Variants in DPP10 observed in about 807,000 individuals in gnomAD.
DPP10 encodes dipeptidyl peptidase like 10.
Under a neutral mutation model 120.9 loss-of-function variants are expected in DPP10, and 33 were observed. The ratio of observed to expected loss-of-function variants is 0.27; its 90% CI spans 0.21 to 0.37. DPP10 has a LOEUF of 0.37. Ranked by LOEUF, DPP10 falls within the 10% of genes least tolerant of loss-of-function variation. The pLI is 1.00. For synonymous variants in DPP10, 337 were observed against 326.1 expected, an observed-to-expected ratio of 1.03 and a Z score of -0.36; for missense variants, 816 against 942.8, an observed-to-expected ratio of 0.87 and a Z score of 1.76.
chr2:115,835,732 T>C (rs1366440577), intron 21 of DPP10, among the ~76,000 whole-genome samples: 1 of 152,192 alleles, frequency 6.6e-6, no homozygotes, highest in Non-Finnish European at 1.5e-5. Flanking sequence ...CATTATTTCT[T>C]AATTCTACAT....
intron 5 of DPP10, among the ~76,000 whole-genome samples, chr2:115,613,225 G>T (rs2084246373): frequency 6.6e-6 from 1 of 152,104 alleles, no homozygotes; most frequent in African/African-American, 2.4e-5. Context: ...TCTTGGCATG[G>T]TATTGTGTGA....
At chr2:114,986,272 G>A (rs569347204) in intron 1 of DPP10, among the ~76,000 whole-genome samples, 1 of 152,152 alleles carries the variant, frequency 6.6e-6, no homozygotes, top group Non-Finnish European at 1.5e-5. Context: ...ATACAGATGT[G>A]AGAAAAACTG....
chr2:115,373,195 C>T (rs545899763), intron 3 of DPP10, among the ~76,000 whole-genome samples: 5 of 152,310 alleles, frequency 3.3e-5, no homozygotes, highest in African/African-American at 1.2e-4. Flanking sequence ...TTGTCTCTTA[C>T]ATGTCAAACA....
At chr2:114,624,126 A>T (rs1694309702) in intron 1 of DPP10, among the ~76,000 whole-genome samples, 1 of 151,990 alleles carries the variant, frequency 6.6e-6, no homozygotes, top group Non-Finnish European at 1.5e-5. Flanking sequence ...GGAAGCATTG[A>T]AGAGGTAATG....
At chr2:115,757,239 GAC>G (rs1261700658) in intron 11 of DPP10, among the ~76,000 whole-genome samples, 2 of 151,834 alleles carry the variant, frequency 1.3e-5, no homozygotes, top group Admixed American at 6.6e-5. Context: ...AAATACAAGA[GAC>G]AACATTTTAG....
chr2:114,455,581 C>T (rs1678530967), intron 1 of DPP10, among the ~76,000 whole-genome samples: 1 of 151,656 alleles, frequency 6.6e-6, no homozygotes, highest in Non-Finnish European at 1.5e-5. Context: ...CTGTAGTTGG[C>T]TTATTGCTAA....
chr2:114,656,264 G>C (rs1289943687), intron 1 of DPP10, among the ~76,000 whole-genome samples: 1 of 151,928 alleles, frequency 6.6e-6, no homozygotes, highest in African/African-American at 2.4e-5. Context: ...CTTGAACTTT[G>C]GGATGTATCA....
rs1398213279 is a variant in DPP10, at chr2:115,054,231, C to T, written c.61-255008C>T. 2.6e-5 allele frequency among the ~76,000 whole-genome samples: 4 copies of T among 152,038 alleles called. No individual in the cohort carries two copies. The East Asian group carries it at 5.8e-4, about 22-fold the overall frequency. On this transcript the variant is annotated intron_variant, in intron 1 of 25. Coordinates refer to ENST00000410059, the MANE Select transcript of DPP10 (RefSeq NM_020868.6). The stretch of plus-strand genomic sequence containing the variant: ...TCATCTTTGATTTCAGTATTAAATG[C>T]TTTGTGGCTCCTTAGAGTCCTAGAA...
At chr2:114,734,304 T>C (rs1259311915) in intron 1 of DPP10, among the ~76,000 whole-genome samples, 1 of 152,168 alleles carries the variant, frequency 6.6e-6, no homozygotes, top group Non-Finnish European at 1.5e-5. Context: ...GCTCTCTCTC[T>C]CTCTGAAGTC....
chr2:115,013,337 G>A (rs1243966334), intron 1 of DPP10, among the ~76,000 whole-genome samples: 3 of 152,048 alleles, frequency 2.0e-5, no homozygotes, highest in Non-Finnish European at 4.4e-5. Context: ...CTCTTTTCTG[G>A]CTTGTAGGGT....
At chr2:115,238,543 C>T (rs1284664975) in intron 1 of DPP10, among the ~76,000 whole-genome samples, 1 of 151,870 alleles carries the variant, frequency 6.6e-6, no homozygotes, top group African/African-American at 2.4e-5. Context: ...TTGAGTGGCT[C>T]GAGACTTTAG....
At chr2:114,817,460 G>T (rs988882040) in intron 1 of DPP10, among the ~76,000 whole-genome samples, 23 of 152,214 alleles carry the variant, frequency 1.5e-4, no homozygotes, top group South Asian at 2.1e-4. Flanking sequence ...ACTCTAACCT[G>T]TAGGCTAGAA....
At chr2:115,041,515 T>C (rs1380846848) in intron 1 of DPP10, among the ~76,000 whole-genome samples, 3 of 152,094 alleles carry the variant, frequency 2.0e-5, no homozygotes, top group Non-Finnish European at 4.4e-5. Context: ...AGCTTAGTGA[T>C]TTTTTTTATG....
chr2:115,796,043 G>A (rs571856508), intron 19 of DPP10, among the ~76,000 whole-genome samples: 12 of 152,000 alleles, frequency 7.9e-5, no homozygotes, highest in Middle Eastern at 3.4e-3. Context: ...AAAGCTCTGC[G>A]TTTTCCCTCA....
chr2:115,314,558 C>G (rs909901413), intron 2 of DPP10, among the ~76,000 whole-genome samples: 14 of 152,138 alleles, frequency 9.2e-5, no homozygotes, highest in Admixed American at 8.5e-4. Flanking sequence ...CATGAGAGCT[C>G]TGCTTGATCT....
intron 5 of DPP10, among the ~76,000 whole-genome samples, chr2:115,564,180 T>A (rs908459333): frequency 6.6e-6 from 1 of 151,812 alleles, no homozygotes; most frequent in Non-Finnish European, 1.5e-5. Context: ...AGATGGAATA[T>A]ATTTAATAAA....
chr2:115,430,038 G>A (rs796371670), intron 3 of DPP10, among the ~76,000 whole-genome samples: 5 of 152,138 alleles, frequency 3.3e-5, no homozygotes, highest in African/African-American at 7.2e-5. Flanking sequence ...CAGGTTCTGC[G>A]TGGTATTCTT....
Position 114,871,117 on chromosome 2 carries a change from G to T in DPP10, c.60+428279G>T, listed in dbSNP as rs991989403. ...TTTGGTGCTCCTTCAGAGAAGGCTG[G>T]TATTTACCCTCTAGCTTTCCCGATT... On this transcript the variant is annotated intron_variant, in intron 1 of 25. Coordinates refer to ENST00000410059, the MANE Select transcript of DPP10 (RefSeq NM_020868.6). Among the ~76,000 whole-genome samples the T allele has an allele frequency of 5.2e-5, 7 of 134,500 alleles. 1 individual carries two copies. The highest frequency in any genetic ancestry group is 1.6e-4 in the Admixed American group (2 of 12,702). 88.2% of individuals were successfully genotyped at this position (134,500 alleles called of 152,430 possible). A position where few individuals can be genotyped will look rare whatever the true frequency, so the allele number is the denominator to read the frequency against.
intron 3 of DPP10, among the ~76,000 whole-genome samples, chr2:115,479,534 AAACTT>A (rs2075300021): frequency 6.6e-6 from 1 of 152,120 alleles, no homozygotes; most frequent in South Asian, 2.1e-4. Context: ...GCTCAGTTGA[AAACTT>A]AAAATGGTTA....
Sources: allele counts gnomAD v4.1 joint callset (sites outside exome capture counted in the v4.1 genomes callset), GRCh38; gene constraint gnomAD v4.1.1; transcripts MANE v1.5; gene names NCBI Gene and HGNC (gene_info 2026-07-23, HGNC 2026-07-21).